RCOR3: variants seen among roughly 807,000 people sequenced by gnomAD.
RCOR3 encodes REST corepressor 3.
Under a neutral mutation model 64.1 loss-of-function variants are expected in RCOR3, and 13 were observed. The observed-to-expected ratio is 0.20, with a 90% CI of 0.13 to 0.32. The LOEUF is 0.32. Among genes scored for constraint, RCOR3 ranks in the 10% least tolerant of loss-of-function variants. The pLI, the probability that RCOR3 is intolerant of heterozygous loss-of-function variation, is 1.00. For synonymous variants in RCOR3, 215 were observed against 239.0 expected (o/e 0.90, Z 0.93); for missense variants, 489 against 701.2 (o/e 0.70, Z 3.42).
At chr1:211,308,661 GTTTTTTTTTTTGTTTTTTTTTTGT>G (rs1420793721) in intron 10 of RCOR3, among the ~76,000 whole-genome samples, 1 of 27,488 alleles carries the variant, frequency 3.6e-5, no homozygotes, top group African/African-American at 1.1e-4. Flanking sequence ...TTTTGGATGT[GTTTTTTTTTTTGTTTTTTTTTTGT>G]TTTTTTTTTT....
chr1:211,312,297 A>G lies in RCOR3; in HGVS notation c.1076-423A>G. Reference sequence around the variant, plus strand: ...TACTCACTCAGTCCATTGAGGGGATAAGAGAGATGGCTCATTCCCATCCAG... The same window carrying G: ...TACTCACTCAGTCCATTGAGGGGATGAGAGAGATGGCTCATTCCCATCCAG... On this transcript the variant is annotated intron_variant, in intron 10 of 11. Coordinates refer to ENST00000419091, the MANE Select transcript of RCOR3 (RefSeq NM_001136223.3). This position sits in a 1 kb window ranked among gnomAD's most constrained non-coding sequence, Gnocchi z 5.0. The G allele has an allele frequency of 2.2e-6, 1 of 456,160 alleles. No homozygotes were observed. 28.3% of individuals were successfully genotyped at this position (456,160 alleles called of 1,614,324 possible). A position where few individuals can be genotyped will look rare whatever the true frequency, so the allele number is the denominator to read the frequency against.
rs935732771 is a variant in RCOR3, at chr1:211,312,427, A to G, written c.1076-293A>G. 11 of 534,596 alleles carry G rather than the reference A, an allele frequency of 2.1e-5. No individual in the cohort carries two copies. The highest frequency in any genetic ancestry group is 1.5e-4 in the African/African-American group (8 of 53,228). 33.1% of individuals were successfully genotyped at this position (534,596 alleles called of 1,614,324 possible). A position where few individuals can be genotyped will look rare whatever the true frequency, so the allele number is the denominator to read the frequency against. The stretch of plus-strand genomic sequence containing the variant: ...CAAAGAATTCAATGCTTTACAATAA[A>G]TGGACTGTATTTGAGAGTTCAAGAG... On this transcript the variant is annotated intron_variant, in intron 10 of 11. Coordinates refer to ENST00000419091, the MANE Select transcript of RCOR3 (RefSeq NM_001136223.3). This position sits in a 1 kb window ranked among gnomAD's most constrained non-coding sequence, Gnocchi z 5.0.
chr1:211,282,959 CATATT>C (rs1259676655), intron 7 of RCOR3, among the ~76,000 whole-genome samples: 6 of 152,222 alleles, frequency 3.9e-5, no homozygotes, highest in Admixed American at 1.3e-4. Flanking sequence ...TAATTGGAAT[CATATT>C]GTATGTATTC....
intron 3 of RCOR3, 105 bp from the exon 4 acceptor site, chr1:211,274,105 C>T (rs550519950): frequency 1.2e-5 from 8 of 670,956 alleles, no homozygotes; most frequent in South Asian, 1.1e-4. Flanking sequence ...TTTTTTTTTA[C>T]CCTGGAATAT....
chr1:211,299,088 G>A (rs1197351858), intron 9 of RCOR3, among the ~76,000 whole-genome samples: 1 of 152,040 alleles, frequency 6.6e-6, no homozygotes, highest in Non-Finnish European at 1.5e-5. Context: ...AGTTTCTTTA[G>A]TACAGAAGGA....
intron 7 of RCOR3, among the ~76,000 whole-genome samples, chr1:211,286,682 T>C (rs1698597403): frequency 6.6e-6 from 1 of 152,216 alleles, no homozygotes; most frequent in Non-Finnish European, 1.5e-5. Flanking sequence ...AAATCTAATA[T>C]TGATGTCTTT....
chr1:211,278,051 TATC>T (rs35547699), intron 5 of RCOR3, 63 bp from the exon 6 acceptor site: 398,958 of 1,372,168 alleles, frequency 0.29, 60,116 homozygotes, highest in South Asian at 0.38. Flanking sequence ...ATAGTAAAGA[TATC>T]ATCAAAATTA....
At chr1:211,283,657 T>C (rs1016795437) in intron 7 of RCOR3, among the ~76,000 whole-genome samples, 1 of 152,180 alleles carries the variant, frequency 6.6e-6, no homozygotes, top group Non-Finnish European at 1.5e-5. Flanking sequence ...TTTGTTTTGT[T>C]TTTTTAGAGA....
intron 7 of RCOR3, 69 bp downstream of exon 7, chr1:211,279,385 C>T (rs1194235829): frequency 2.4e-6 from 3 of 1,230,768 alleles, no homozygotes; most frequent in African/African-American, 1.5e-5. Flanking sequence ...AACAGTACTT[C>T]GTATTAAGAA....
At chr1:211,291,965 T>C (rs1024920710) in intron 8 of RCOR3, among the ~76,000 whole-genome samples, 4 of 152,042 alleles carry the variant, frequency 2.6e-5, no homozygotes, top group African/African-American at 9.7e-5. Context: ...TAAAAAAAAT[T>C]TTAAAAATAG....
intron 8 of RCOR3, chr1:211,291,573 A>C (rs996535245): frequency 2.0e-5 from 9 of 456,128 alleles, no homozygotes; most frequent in African/African-American, 8.0e-5. Flanking sequence ...CGGATATGGG[A>C]GGACTACTAT....
chr1:211,307,990 T>C (rs1033655726), intron 10 of RCOR3, among the ~76,000 whole-genome samples: 5 of 151,726 alleles, frequency 3.3e-5, no homozygotes, highest in African/African-American at 1.2e-4. Context: ...AGTCTAGAAA[T>C]TGTCTTCTCT....
Position 211,260,184 on chromosome 1 carries a change from C to G in RCOR3, c.223+20C>G. On this transcript the variant is annotated intron_variant, in intron 2 of 11. Transcript: ENST00000419091. Reference sequence around the variant, plus strand: ...ATCCAGGTAGATATATTTGCTTAAGCAAAATCTCATATCCCCTTTCCTGGG... The same window carrying G: ...ATCCAGGTAGATATATTTGCTTAAGGAAAATCTCATATCCCCTTTCCTGGG... The G allele has an allele frequency of 3.1e-6, 5 of 1,607,286 alleles. No homozygotes were observed. The highest frequency in any genetic ancestry group is 4.3e-6 in the Non-Finnish European group (5 of 1,175,018).
chr1:211,305,299 G>A (rs935836537), intron 10 of RCOR3, among the ~76,000 whole-genome samples: 1 of 152,136 alleles, frequency 6.6e-6, no homozygotes, highest in African/African-American at 2.4e-5. Context: ...TGTGCATTGG[G>A]CACATCTGTA....
At chr1:211,277,283 T>G (rs1697147968) in intron 5 of RCOR3, among the ~76,000 whole-genome samples, 1 of 151,630 alleles carries the variant, frequency 6.6e-6, no homozygotes, top group African/African-American at 2.4e-5. Flanking sequence ...TTAACCTGAG[T>G]AGATGAAAAT....
intron 2 of RCOR3, among the ~76,000 whole-genome samples, chr1:211,266,813 G>C (rs940081911): frequency 6.6e-6 from 1 of 152,240 alleles, no homozygotes; most frequent in Non-Finnish European, 1.5e-5. Flanking sequence ...AGTGTCCCAA[G>C]AGGTAGATAA....
intron 7 of RCOR3, among the ~76,000 whole-genome samples, chr1:211,287,278 A>T (rs1698663952): frequency 1.3e-5 from 2 of 152,042 alleles, no homozygotes; most frequent in African/African-American, 4.8e-5. Flanking sequence ...TCACAAAGTG[A>T]TGGAGTTCCC....
chr1:211,286,393 C>T (rs920250486), intron 7 of RCOR3, among the ~76,000 whole-genome samples: 12 of 151,694 alleles, frequency 7.9e-5, no homozygotes, highest in African/African-American at 2.7e-4. Context: ...CTGCAACCTC[C>T]GCTTCCCAGG....
rs1224168365 is a variant in RCOR3, at chr1:211,312,961, GGTGT to G, written c.1317+3_1317+6del. 5.0e-6 allele frequency: 8 copies of G among 1,614,148 alleles called. No individual in the cohort carries two copies. The highest frequency in any genetic ancestry group is 6.8e-6 in the Non-Finnish European group (8 of 1,180,012). On this transcript the variant is annotated splice_donor_variant and splice_donor_region_variant and intron_variant, in intron 11 of 11. Transcript: ENST00000419091. LOFTEE classifies it high-confidence loss of function. The surrounding 1 kb of genome is among the most constrained non-coding windows in gnomAD (Gnocchi z 5.0). ...GGAAGAGCACTGATGAAGAAGAGGA[GGTGT>G]GTTTGTGTATGGAATTTGAGCTAAT...
Sources: gnomAD v4.1 joint callset for allele counts (sites outside exome capture counted in the v4.1 genomes callset) on GRCh38, gnomAD v4.1.1 for gene constraint, Gnocchi (gnomAD v3.1) non-coding constraint, MANE v1.5 for transcripts, NCBI Gene and HGNC (gene_info 2026-07-23, HGNC 2026-07-21) for gene names.